The following CPA6 variants were observed in gnomAD, a reference collection of about 807,000 sequenced individuals.
CPA6 encodes carboxypeptidase A6.
A neutral mutation model predicts 63.3 loss-of-function variants in CPA6; 58 were observed. That is an observed-to-expected ratio of 0.92 (90% CI 0.74 to 1.14). The LOEUF (loss-of-function observed/expected upper bound fraction) is 1.14, where lower values mean the gene tolerates loss of function less well. CPA6 is among the 50% of genes most tolerant of loss of function. The pLI, the probability that CPA6 is intolerant of heterozygous loss-of-function variation, is 0.00. For synonymous variants in CPA6, 185 were observed against 179.0 expected, an observed-to-expected ratio of 1.03 and a Z score of -0.27; for missense variants, 565 against 526.6, an observed-to-expected ratio of 1.07 and a Z score of -0.71.
intron 1 of CPA6, among the ~76,000 whole-genome samples, chr8:67,653,100 ATC>A (rs1202459236): frequency 1.3e-5 from 2 of 151,924 alleles, no homozygotes; most frequent in African/African-American, 4.8e-5. Context: ...ATTGATCTAT[ATC>A]TCTGTTTTGG....
intron 2 of CPA6, among the ~76,000 whole-genome samples, chr8:67,605,090 TTTTC>T (rs1414358298): frequency 6.7e-6 from 1 of 150,194 alleles, no homozygotes. Context: ...GTTTTTTTTT[TTTTC>T]TTTTTCTTTT....
intron 1 of CPA6, among the ~76,000 whole-genome samples, chr8:67,671,952 C>T (rs2128994462): frequency 6.6e-6 from 1 of 152,218 alleles, no homozygotes. Context: ...GCCTCAGCCT[C>T]CTGAGTAGCT....
chr8:67,425,713 C>G (rs1241130090), intron 10 of CPA6, among the ~76,000 whole-genome samples: 1 of 152,090 alleles, frequency 6.6e-6, no homozygotes, highest in Non-Finnish European at 1.5e-5. Flanking sequence ...ATTAAAATGA[C>G]TCTTCTGCTT....
intron 2 of CPA6, among the ~76,000 whole-genome samples, chr8:67,619,471 A>C (rs1815031127): frequency 6.6e-6 from 1 of 152,220 alleles, no homozygotes; most frequent in Non-Finnish European, 1.5e-5. Context: ...ATTACAAGTC[A>C]GGCTTTAGGC....
At chr8:67,618,177 C>T (rs1587640297) in intron 2 of CPA6, among the ~76,000 whole-genome samples, 1 of 152,180 alleles carries the variant, frequency 6.6e-6, no homozygotes, top group South Asian at 2.1e-4. Flanking sequence ...TCCTAGAATT[C>T]TGCCTACCAT....
intron 1 of CPA6, among the ~76,000 whole-genome samples, chr8:67,673,491 C>G (rs936665548): frequency 1.3e-5 from 2 of 150,544 alleles, no homozygotes; most frequent in Non-Finnish European, 3.0e-5. Context: ...TCATGCCGTT[C>G]TCCTGCCTCA....
At position 67,511,628 on chromosome 8, in the gene CPA6, T is replaced by G; in HGVS notation, c.345A>C (p.Thr115=). Residue 115 remains threonine (T), a synonymous_variant, in exon 4 of 11, where the codon ACA becomes ACC. Transcript: ENST00000297770. ...TGTGCAAGCTGCTTCCCTTCTCCAG[T>G]GTTTTCTGAAGATCTTCTATGAGGA... ...YKVLIEDLQK[T]LEKGSSLHTQ... The G allele has an allele frequency of 6.2e-7, 1 of 1,610,742 alleles. No homozygotes were observed. Among genetic ancestry groups the G allele is most frequent in the Non-Finnish European group, 8.5e-7 (1 of 1,177,004 alleles).
At position 67,624,096 on chromosome 8, in the gene CPA6, A is replaced by G. The variant is rs149880391; in HGVS notation, c.192+80T>C. On this transcript the variant is annotated intron_variant, in intron 2 of 10. Transcript: ENST00000297770. Reference sequence around the variant, plus strand: ...TTACTTTCTTGGCTAATAAATTCCAATTATTCAACTCCAGTCAGCAAATCC... The same window carrying G: ...TTACTTTCTTGGCTAATAAATTCCAGTTATTCAACTCCAGTCAGCAAATCC... 919 of 804,842 alleles carry G rather than the reference A, an allele frequency of 1.1e-3. 5 individuals carry two copies. In the African/African-American group the frequency reaches 0.013, roughly 11 times the overall value. The allele number at this position is 804,842 out of a possible 1,614,324, so 49.9% of individuals were successfully genotyped here.
intron 2 of CPA6, among the ~76,000 whole-genome samples, chr8:67,573,345 GACA>G (rs1813534462): frequency 6.6e-6 from 1 of 152,164 alleles, no homozygotes; most frequent in Non-Finnish European, 1.5e-5. Flanking sequence ...ACTGTTGGCT[GACA>G]ACATGATCTT....
chr8:67,691,824 C>T (rs755503132), intron 1 of CPA6, among the ~76,000 whole-genome samples: 14 of 152,136 alleles, frequency 9.2e-5, no homozygotes, highest in Admixed American at 4.6e-4. Flanking sequence ...AGTACAGGCT[C>T]ATTTTAGAAG....
At chr8:67,475,140 C>T (rs11781706) in intron 8 of CPA6, among the ~76,000 whole-genome samples, 55,638 of 152,158 alleles carry the variant, frequency 0.37, 10,306 homozygotes, top group Middle Eastern at 0.47. Flanking sequence ...TCAAGTTACA[C>T]TTTTATTTGG....
rs149310716 is a variant in CPA6 at position 67,457,717 on chromosome 8, G to A, written c.839-23477C>T. Among the ~76,000 whole-genome samples, 290 of 151,954 alleles carry A rather than the reference G, an allele frequency of 1.9e-3. 1 individual carries two copies. The highest frequency in any genetic ancestry group is 6.7e-3 in the African/African-American group (278 of 41,436). On this transcript the variant is annotated intron_variant, in intron 8 of 10. Transcript: ENST00000297770. ...ACCCCAGAAAAAAAAAATGCTCATT[G>A]GCTCCTTGTGGGCAACATCAGTGTC...
At chr8:67,562,531 A>G (rs1813237812) in intron 2 of CPA6, among the ~76,000 whole-genome samples, 1 of 152,142 alleles carries the variant, frequency 6.6e-6, no homozygotes, top group Non-Finnish European at 1.5e-5. Flanking sequence ...TACAGTTGGT[A>G]CTATGTCTGA....
intron 2 of CPA6, among the ~76,000 whole-genome samples, chr8:67,608,325 A>T (rs896191622): frequency 3.9e-5 from 6 of 152,162 alleles, no homozygotes; most frequent in African/African-American, 1.4e-4. Context: ...AGGCTCCATG[A>T]GCAGAAGAGC....
intron 8 of CPA6, chr8:67,452,589 A>C (rs1181384705): frequency 6.6e-6 from 1 of 152,226 alleles, no homozygotes; most frequent in Non-Finnish European, 1.5e-5. Context: ...TGCCTCACGC[A>C]CTGGGATACA....
chr8:67,450,659 G>A (rs923275392), intron 8 of CPA6, among the ~76,000 whole-genome samples: 2 of 152,200 alleles, frequency 1.3e-5, no homozygotes, highest in Non-Finnish European at 2.9e-5. Flanking sequence ...ATCAGGCTAC[G>A]GGTGAAGACG....
intron 8 of CPA6, among the ~76,000 whole-genome samples, chr8:67,446,685 G>A (rs989576024): frequency 3.3e-5 from 5 of 152,086 alleles, no homozygotes; most frequent in South Asian, 2.1e-4. Context: ...TTATTGTGAC[G>A]TGTTTTCATT....
At chr8:67,686,041 C>T (rs1816702458) in intron 1 of CPA6, among the ~76,000 whole-genome samples, 1 of 152,182 alleles carries the variant, frequency 6.6e-6, no homozygotes, top group Non-Finnish European at 1.5e-5. Context: ...TTTCTGCCAT[C>T]ATAGATAGGG....
chr8:67,452,948 G>A (rs1374072475), intron 8 of CPA6, among the ~76,000 whole-genome samples: 1 of 152,182 alleles, frequency 6.6e-6, no homozygotes, highest in Non-Finnish European at 1.5e-5. Flanking sequence ...AGAAATAGAT[G>A]AGATCAATCG....
Sources: gnomAD v4.1 joint callset for allele counts (sites outside exome capture counted in the v4.1 genomes callset) on GRCh38, gnomAD v4.1.1 for gene constraint, MANE v1.5 for transcripts, NCBI Gene and HGNC (gene_info 2026-07-23, HGNC 2026-07-21) for gene names.